The following COL11A2 variants were observed in gnomAD, a reference collection of about 807,000 sequenced individuals.
The protein encoded by COL11A2 is collagen type XI alpha 2 chain.
Under a neutral mutation model 273.4 loss-of-function variants are expected in COL11A2, and 116 were observed. That is an observed-to-expected ratio of 0.42 (90% CI 0.36 to 0.49). COL11A2 has a LOEUF of 0.49. Among genes scored for constraint, COL11A2 ranks in the 20% least tolerant of loss-of-function variants. The pLI, the probability that COL11A2 is intolerant of heterozygous loss-of-function variation, is 0.00. For missense variants in COL11A2, 1,866 were observed against 2,309.0 expected, an observed-to-expected ratio of 0.81 and a Z score of 3.93; for synonymous variants, 782 against 864.2, an observed-to-expected ratio of 0.90 and a Z score of 1.67.
chr6:33,164,440 C>A lies in COL11A2; in HGVS notation c.4897G>T (p.Gly1633Cys). The A allele has an allele frequency of 6.3e-7, 1 of 1,581,202 alleles. No individual in the cohort carries two copies. Among genetic ancestry groups the A allele is most frequent in the South Asian group, 1.1e-5 (1 of 87,432 alleles). ...CGCAGGAAGGTGAGCTGGACCACAC[C>A]CACTGGGGAGCCCTCTGAGTCCACG... The part of the protein sequence containing the change: ...SYVDSEGSPV[G>C]VVQLTFLRLL... Residue 1633 changes from glycine to cysteine, a missense_variant, in exon 65 of 66, where the codon GGT (glycine) becomes TGT (cysteine). Coordinates refer to ENST00000341947, the MANE Select transcript of COL11A2 (RefSeq NM_080680.3). This position sits in a 1 kb window ranked among gnomAD's most constrained non-coding sequence, Gnocchi z 4.7.
In COL11A2 at chr6:33,170,192, G is replaced by T. The variant is rs1769827657; in HGVS notation, c.3583-92C>A. ...AGATGAGCAGCCCAAGGTTACAGCAGTGAGGCAGTGGAGGCCTCCCGGGAG... is the reference window on the plus strand; with the variant it reads ...AGATGAGCAGCCCAAGGTTACAGCATTGAGGCAGTGGAGGCCTCCCGGGAG... On this transcript the variant is annotated intron_variant, in intron 48 of 65. Coordinates refer to ENST00000341947, the MANE Select transcript of COL11A2 (RefSeq NM_080680.3). The surrounding 1 kb of genome is among the most constrained non-coding windows in gnomAD (Gnocchi z 4.3). The T allele has an allele frequency of 3.8e-6, 6 of 1,589,370 alleles. No homozygotes were observed. The African/African-American group carries it at 6.7e-5, about 18-fold the overall frequency.
rs760322593 is a variant in COL11A2, at chr6:33,186,563, A to G, written c.798+64T>C. On this transcript the variant is annotated intron_variant, in intron 5 of 65. Transcript: ENST00000341947. Reference sequence around the variant, plus strand: ...GGTGGGGAGGACAACTAAGGAGGAGAGATGCCTGGGTGTCTTCCCTCTCTG... The same window carrying G: ...GGTGGGGAGGACAACTAAGGAGGAGGGATGCCTGGGTGTCTTCCCTCTCTG... The G allele has an allele frequency of 1.0e-4, 162 of 1,613,010 alleles. No homozygotes were observed. The highest frequency in any genetic ancestry group is 1.3e-4 in the Non-Finnish European group (156 of 1,179,324).
Position 33,170,454 on chromosome 6 carries a change from G to A in COL11A2, c.3529-75C>T, listed in dbSNP as rs1769875655. The A allele has an allele frequency of 6.3e-7, 1 of 1,584,046 alleles. No individual in the cohort carries two copies. The highest frequency in any genetic ancestry group is 8.7e-7 in the Non-Finnish European group (1 of 1,155,820). On this transcript the variant is annotated intron_variant, in intron 47 of 65. Transcript: ENST00000341947. The surrounding 1 kb of genome is among the most constrained non-coding windows in gnomAD (Gnocchi z 4.3). ...AGCATGAATGGTGGAGAGAGGAGGA[G>A]GAGCAGCCAGGCCAGGGAGTTGGCA...
Position 33,164,798 on chromosome 6 carries a change from C to T in COL11A2, c.4863+54G>A. 4 of 1,486,054 alleles carry T rather than the reference C, an allele frequency of 2.7e-6. No homozygotes were observed. The highest frequency in any genetic ancestry group is 3.7e-6 in the Non-Finnish European group (4 of 1,090,094). 92.1% of individuals were successfully genotyped at this position (1,486,054 alleles called of 1,614,324 possible). On this transcript the variant is annotated intron_variant, in intron 64 of 65. Coordinates refer to ENST00000341947, the MANE Select transcript of COL11A2 (RefSeq NM_080680.3). The surrounding 1 kb of genome is among the most constrained non-coding windows in gnomAD (Gnocchi z 4.7). ...CACCAAAACCCAGAAACCACTAAGC[C>T]CTGAGGGGGTGCACTATGGGGCAGG...
chr6:33,181,164 G>T lies in COL11A2; in HGVS notation c.1126C>A (p.His376Asn). The change falls in exon 9 of 66, where the codon CAT becomes AAT. Residue 376 changes from histidine (H) to asparagine (N), a missense_variant. By Grantham distance (68) the His-to-Asn change is moderately conservative. Coordinates refer to ENST00000341947, the MANE Select transcript of COL11A2 (RefSeq NM_080680.3). Reference sequence around the variant, plus strand: ...TCTCCCTTCAGCCCTCGGGGTCCATGGGCAGCCTGAAGGAGACACACATGT... The same window carrying T: ...TCTCCCTTCAGCCCTCGGGGTCCATTGGCAGCCTGAAGGAGACACACATGT... ...AETAHSGAAA[H>N]GPRGLKGEKG... 6.2e-7 allele frequency: 1 copy of T among 1,614,154 alleles called. No homozygotes were observed. Among genetic ancestry groups the T allele is most frequent in the Non-Finnish European group, 8.5e-7 (1 of 1,180,040 alleles).
intron 30 of COL11A2, among the ~76,000 whole-genome samples, chr6:33,174,980 G>A (rs1430299826): frequency 3.9e-5 from 6 of 152,000 alleles, no homozygotes; most frequent in South Asian, 4.2e-4. Context: ...CCCGACTCCC[G>A]TGCATGCCCC....
intron 1 of COL11A2, among the ~76,000 whole-genome samples, chr6:33,191,202 T>C (rs1026847205): frequency 6.6e-6 from 1 of 152,236 alleles, no homozygotes; most frequent in Admixed American, 6.5e-5. Context: ...TTCCTGGCCC[T>C]GGGCTTCACT....
rs1261396809 is a variant in COL11A2 at position 33,177,718 on chromosome 6, G to C, written c.1873-12C>G. The C allele has an allele frequency of 3.1e-6, 5 of 1,612,878 alleles. No individual in the cohort carries two copies. The Admixed American group carries it at 6.7e-5, about 22-fold the overall frequency. Reference sequence around the variant, plus strand: ...ATGCCTCGGACGCCCTGAAACACAAGATGGGTGTGAGCAGCCTGAAGGTGG... The same window carrying C: ...ATGCCTCGGACGCCCTGAAACACAACATGGGTGTGAGCAGCCTGAAGGTGG... On this transcript the variant is annotated splice_polypyrimidine_tract_variant and intron_variant, in intron 21 of 65. Transcript: ENST00000341947. The surrounding 1 kb of genome is among the most constrained non-coding windows in gnomAD (Gnocchi z 5.9).
chr6:33,168,857 C>T, intron 52 of COL11A2, 98 bp from the exon 53 acceptor site: 2 of 1,604,496 alleles, frequency 1.2e-6, no homozygotes, highest in Non-Finnish European at 1.7e-6. Flanking sequence ...CCTGCCATAC[C>T]CCCGGCTTCC....
rs1265987018 is a variant in COL11A2 at position 33,192,305 on chromosome 6, G to A, written c.-65C>T. 5 of 1,457,824 alleles carry A rather than the reference G, an allele frequency of 3.4e-6. No homozygotes were observed. Among genetic ancestry groups the A allele is most frequent in the Non-Finnish European group, 4.7e-6 (5 of 1,066,430 alleles). The allele number at this position is 1,457,824 out of a possible 1,614,324, so 90.3% of individuals were successfully genotyped here. ...CGGCCTGAGACGCTGGATGCCCTGA[G>A]GCTGACAGAAGACAGGGAGCAGACT... is the stretch of plus-strand genomic sequence containing the variant. On this transcript the variant is annotated 5_prime_UTR_variant, in exon 1 of 66. Coordinates refer to ENST00000341947, the MANE Select transcript of COL11A2 (RefSeq NM_080680.3).
Position 33,163,845 on chromosome 6 carries a change from G to A in COL11A2, c.5071-27C>T, listed in dbSNP as rs1237368328. The A allele has an allele frequency of 1.9e-6, 3 of 1,612,762 alleles. No homozygotes were observed. Among genetic ancestry groups the A allele is most frequent in the African/African-American group, 1.3e-5 (1 of 74,906 alleles). On this transcript the variant is annotated intron_variant, in intron 65 of 65. Coordinates refer to ENST00000341947, the MANE Select transcript of COL11A2 (RefSeq NM_080680.3). The surrounding 1 kb of genome is among the most constrained non-coding windows in gnomAD (Gnocchi z 4.1). ...TTCAGGGGGAGACAAGGAAGAAAGT[G>A]TGAGCAGGATGGAGGCACCCCCCAC...
chr6:33,168,416 A>C (rs1014871071), intron 54 of COL11A2, 103 bp downstream of exon 54: 3 of 1,281,056 alleles, frequency 2.3e-6, no homozygotes, highest in Non-Finnish European at 3.4e-6. Flanking sequence ...AGGGCAATGC[A>C]GACACCAGGC....
Position 33,163,543 on chromosome 6 carries a change from G to A in COL11A2, c.*135C>T, listed in dbSNP as rs1020744088. 2.5e-5 allele frequency: 35 copies of A among 1,426,384 alleles called. No individual in the cohort carries two copies. Among genetic ancestry groups the A allele is most frequent in the Admixed American group, 5.2e-5 (3 of 57,148 alleles). 88.4% of individuals were successfully genotyped at this position (1,426,384 alleles called of 1,614,324 possible). On this transcript the variant is annotated 3_prime_UTR_variant, in exon 66 of 66. Transcript: ENST00000341947. This position sits in a 1 kb window ranked among gnomAD's most constrained non-coding sequence, Gnocchi z 4.1. Reference sequence around the variant, plus strand: ...CTTCACCCCTCCCCTGGCCTGCCCCGACTGAGGGCTCTCCACGCCCTGGCC... The same window carrying A: ...CTTCACCCCTCCCCTGGCCTGCCCCAACTGAGGGCTCTCCACGCCCTGGCC...
At chr6:33,188,828 C>G (rs1167871471) in intron 3 of COL11A2, 150 bp downstream of exon 3, 1 of 968,734 alleles carries the variant, frequency 1.0e-6, no homozygotes, top group Admixed American at 1.7e-5. Context: ...AGCCCAAACT[C>G]TGGACTAGAA....
Position 33,177,599 on chromosome 6 carries a change from C to A in COL11A2, c.1917+63G>T, listed in dbSNP as rs923791518. 6.2e-7 allele frequency: 1 copy of A among 1,605,286 alleles called. No individual in the cohort carries two copies. Among genetic ancestry groups the A allele is most frequent in the Non-Finnish European group, 8.5e-7 (1 of 1,173,392 alleles). On this transcript the variant is annotated intron_variant, in intron 22 of 65. Coordinates refer to ENST00000341947, the MANE Select transcript of COL11A2 (RefSeq NM_080680.3). The surrounding 1 kb of genome is among the most constrained non-coding windows in gnomAD (Gnocchi z 5.9). The stretch of plus-strand genomic sequence containing the variant: ...AGGCAGGGGTCAAAATGGCGGCCAA[C>A]AGGATGCTGGCAGGGACCTCGGGGG...
upstream of COL11A2, chr6:33,192,647 C>A: frequency 3.3e-6 from 1 of 307,456 alleles, no homozygotes; most frequent in Non-Finnish European, 6.1e-6. Flanking sequence ...TAGGTCTCAA[C>A]GGCCTGTACC....
rs939997138 is a variant in COL11A2, at chr6:33,190,063, G to T, written c.83-594C>A. Among the ~76,000 whole-genome samples, 1 of 150,876 alleles carries T rather than the reference G, an allele frequency of 6.6e-6. No individual in the cohort carries two copies. The highest frequency in any genetic ancestry group is 2.4e-5 in the African/African-American group (1 of 41,058). On this transcript the variant is annotated intron_variant, in intron 1 of 65. Transcript: ENST00000341947. This position sits in a 1 kb window ranked among gnomAD's most constrained non-coding sequence, Gnocchi z 4.5. ...GAAGAGATCAGAGAAGCAGCTCTAT[G>T]AGAGGGGCTTCAAGCAGCTACAGAT...
Position 33,167,384 on chromosome 6 carries a change from C to G in COL11A2, c.4122+42G>C, listed in dbSNP as rs1490255040. On this transcript the variant is annotated intron_variant, in intron 56 of 65. Coordinates refer to ENST00000341947, the MANE Select transcript of COL11A2 (RefSeq NM_080680.3). This position sits in a 1 kb window ranked among gnomAD's most constrained non-coding sequence, Gnocchi z 6.1. ...CCACACTGCACCCCTCCCATGGCCC[C>G]TCACTCCCACCCCAGCCCAGCCCTT... 1 of 1,612,522 alleles carries G rather than the reference C, an allele frequency of 6.2e-7. No homozygotes were observed. Among genetic ancestry groups the G allele is most frequent in the South Asian group, 1.1e-5 (1 of 91,062 alleles).
Position 33,170,568 on chromosome 6 carries a change from C to T in COL11A2, c.3517G>A (p.Val1173Met). The T allele has an allele frequency of 2.5e-6, 4 of 1,612,378 alleles. No homozygotes were observed. Among genetic ancestry groups the T allele is most frequent in the Non-Finnish European group, 3.4e-6 (4 of 1,179,830 alleles). ...PSGEKGETGD[V>M]GPMGPPGPPG... ...GGGGTCACACTCACCATAGGACCCA[C>T]ATCTCCTGTTTCTCCCTTCTCCCCA... The change falls in exon 47 of 66, where the codon GTG becomes ATG. Residue 1173 changes from valine (V) to methionine (M), a missense_variant. Transcript: ENST00000341947. The surrounding 1 kb of genome is among the most constrained non-coding windows in gnomAD (Gnocchi z 4.3).
Sources: gnomAD v4.1 joint callset for allele counts (sites outside exome capture counted in the v4.1 genomes callset) on GRCh38, gnomAD v4.1.1 for gene constraint, Gnocchi (gnomAD v3.1) non-coding constraint, MANE v1.5 for transcripts, NCBI Gene and HGNC (gene_info 2026-07-23, HGNC 2026-07-21) for gene names.